The following CADPS2 variants were observed in gnomAD, a reference collection of about 807,000 sequenced individuals.
CADPS2 encodes the protein calcium-dependent secretion activator 2.
CADPS2 carries 93 observed loss-of-function variants against 172.5 expected under a neutral mutation model. That is an observed-to-expected ratio of 0.54 (90% CI 0.46 to 0.64). The LOEUF (loss-of-function observed/expected upper bound fraction) is 0.64, where lower values mean the gene tolerates loss of function less well. Ranked by LOEUF, CADPS2 falls within the 30% of genes least tolerant of loss-of-function variation. CADPS2 has a pLI of 0.00. For synonymous variants in CADPS2, 546 were observed against 555.2 expected (o/e 0.98, Z 0.23); for missense variants, 1,420 against 1,565.9 (o/e 0.91, Z 1.57).
intron 1 of CADPS2, among the ~76,000 whole-genome samples, chr7:122,867,365 G>A (rs1361261176): frequency 3.3e-5 from 5 of 152,116 alleles, no homozygotes; most frequent in African/African-American, 4.8e-5. Flanking sequence ...AAAGACTCCT[G>A]TGTACCAGAC....
At chr7:122,732,778 T>C (rs1288800246) in intron 2 of CADPS2, among the ~76,000 whole-genome samples, 1 of 143,416 alleles carries the variant, frequency 7.0e-6, no homozygotes, top group Non-Finnish European at 1.5e-5. Context: ...ACATACATTA[T>C]GTATATAATA....
intron 11 of CADPS2, among the ~76,000 whole-genome samples, chr7:122,487,016 T>G (rs2057881429): frequency 6.7e-6 from 1 of 148,586 alleles, no homozygotes; most frequent in African/African-American, 2.5e-5. Flanking sequence ...CATAACTTTT[T>G]TTTTTTTTTT....
chr7:122,572,633 A>G (rs1185621885), intron 7 of CADPS2, among the ~76,000 whole-genome samples: 2 of 152,144 alleles, frequency 1.3e-5, no homozygotes, highest in Admixed American at 1.3e-4. Context: ...GAAAGACTCA[A>G]TGGAAAATGC....
chr7:122,350,331 A>C (rs990653407), intron 27 of CADPS2, among the ~76,000 whole-genome samples: 2 of 152,186 alleles, frequency 1.3e-5, no homozygotes, highest in Non-Finnish European at 2.9e-5. Flanking sequence ...TAGTTCTACA[A>C]ACATGTAATT....
rs867798203 is a variant in CADPS2, at chr7:122,737,016, T to C, written c.392A>G (p.Asn131Ser). 16 of 1,612,818 alleles carry C rather than the reference T, an allele frequency of 9.9e-6. No homozygotes were observed. The highest frequency in any genetic ancestry group is 4.5e-5 in the East Asian group (2 of 44,806). The part of the protein sequence containing the change: ...LLKERFQAFL[N>S]GETQIVADEA... ...GTCAGCTACAATTTGGGTTTCCCCA[T>C]TGAGGAAGGCCTGGAACCGTTCTTT... is the stretch of plus-strand genomic sequence containing the variant. Residue 131 changes from asparagine (N) to serine (S), a missense_variant, in exon 2 of 30, where the codon AAT becomes AGT. Coordinates refer to ENST00000449022, the MANE Select transcript of CADPS2 (RefSeq NM_017954.11).
chr7:122,869,928 T>C (rs1235687287), intron 1 of CADPS2, among the ~76,000 whole-genome samples: 6 of 152,062 alleles, frequency 3.9e-5, no homozygotes, highest in Non-Finnish European at 8.8e-5. Context: ...GGTAGCCTCA[T>C]GGTAACCACA....
chr7:122,698,296 T>C (rs745643478), intron 2 of CADPS2: 1 of 1,614,080 alleles, frequency 6.2e-7, no homozygotes, highest in South Asian at 1.1e-5. Flanking sequence ...ATGAATGTGA[T>C]AAAAGATGAA....
chr7:122,599,834 T>G (rs1310308548), intron 6 of CADPS2, among the ~76,000 whole-genome samples: 2 of 152,076 alleles, frequency 1.3e-5, no homozygotes, highest in Non-Finnish European at 2.9e-5. Flanking sequence ...CTGTGTTACT[T>G]TAACATTTAT....
In CADPS2 at chr7:122,820,247, G is replaced by C. The variant is rs1008461101; in HGVS notation, c.339+65752C>G. 5.3e-5 allele frequency among the ~76,000 whole-genome samples: 8 copies of C among 152,150 alleles called. No homozygotes were observed. The East Asian group carries it at 1.2e-3, about 22-fold the overall frequency. On this transcript the variant is annotated intron_variant, in intron 1 of 29. Coordinates refer to ENST00000449022, the MANE Select transcript of CADPS2 (RefSeq NM_017954.11). ...ACTTTCACTTGGACTGACCCTGACA[G>C]CCAACAAGCTCAGCAAATTACCTAG...
intron 7 of CADPS2, among the ~76,000 whole-genome samples, chr7:122,576,454 C>T (rs1274663979): frequency 6.6e-6 from 1 of 152,140 alleles, no homozygotes; most frequent in Non-Finnish European, 1.5e-5. Flanking sequence ...CTGTCTCAGT[C>T]TCTATCCTAT....
chr7:122,858,025 A>G lies in CADPS2; in HGVS notation c.339+27974T>C, dbSNP rs185680662. On this transcript the variant is annotated intron_variant, in intron 1 of 29. Transcript: ENST00000449022. ...AAGAGCGAAAGAACAAAGCTTCCAC[A>G]GTGTGGAAGGGGACCCTAGCAGGTT... is the stretch of plus-strand genomic sequence containing the variant. 6.8e-4 allele frequency among the ~76,000 whole-genome samples: 104 copies of G among 152,270 alleles called. 1 individual carries two copies. The East Asian group carries it at 0.017, about 25-fold the overall frequency.
At chr7:122,683,638 A>C (rs959551644) in intron 2 of CADPS2, among the ~76,000 whole-genome samples, 7 of 152,110 alleles carry the variant, frequency 4.6e-5, no homozygotes, top group African/African-American at 1.7e-4. Context: ...ACTGCTACTT[A>C]AAATGTTATC....
chr7:122,323,608 A>T (rs1009542236), intron 29 of CADPS2, among the ~76,000 whole-genome samples: 2 of 151,854 alleles, frequency 1.3e-5, no homozygotes, highest in Admixed American at 1.3e-4. Context: ...AACTATAAAG[A>T]TGTGTGGAAA....
At chr7:122,435,036 T>C (rs979138754) in intron 17 of CADPS2, among the ~76,000 whole-genome samples, 3 of 152,160 alleles carry the variant, frequency 2.0e-5, no homozygotes, top group Non-Finnish European at 4.4e-5. Context: ...GCTGAATTTT[T>C]AGAGATGAAT....
At chr7:122,348,929 G>T (rs1329545543) in intron 27 of CADPS2, among the ~76,000 whole-genome samples, 9 of 152,096 alleles carry the variant, frequency 5.9e-5, no homozygotes, top group Middle Eastern at 3.2e-3. Flanking sequence ...CATTATCGCT[G>T]GTTCAATGCT....
At chr7:122,720,749 T>C (rs1588722662) in intron 2 of CADPS2, among the ~76,000 whole-genome samples, 1 of 151,962 alleles carries the variant, frequency 6.6e-6, no homozygotes, top group Non-Finnish European at 1.5e-5. Flanking sequence ...TAGTTTCAGA[T>C]TGAAAACTGA....
At chr7:122,606,815 G>A (rs1311396591) in intron 6 of CADPS2, among the ~76,000 whole-genome samples, 4 of 152,018 alleles carry the variant, frequency 2.6e-5, no homozygotes, top group African/African-American at 4.8e-5. Context: ...TATCTGTTAA[G>A]GAAATGAAAT....
At chr7:122,712,115 T>C (rs556766940) in intron 2 of CADPS2, among the ~76,000 whole-genome samples, 1 of 152,284 alleles carries the variant, frequency 6.6e-6, no homozygotes, top group Non-Finnish European at 1.5e-5. Flanking sequence ...TTCTATAATA[T>C]CTTGTGATAT....
chr7:122,713,595 G>A (rs763774014), intron 2 of CADPS2, among the ~76,000 whole-genome samples: 2 of 151,216 alleles, frequency 1.3e-5, no homozygotes, highest in East Asian at 3.9e-4. Context: ...CTTAACAATT[G>A]TAAGGAAGTT....
Sources: allele counts gnomAD v4.1 joint callset (sites outside exome capture counted in the v4.1 genomes callset), GRCh38; gene constraint gnomAD v4.1.1; transcripts MANE v1.5; gene names NCBI Gene and HGNC (gene_info 2026-07-23, HGNC 2026-07-21).